The following DENND6A variants were observed in gnomAD, a reference collection of about 807,000 sequenced individuals.
The protein encoded by DENND6A is DENN domain containing 6A, also known as protein DENND6A.
DENND6A carries 43 observed loss-of-function variants against 95.5 expected under a neutral mutation model. That is an observed-to-expected ratio of 0.45 (90% CI 0.35 to 0.58). The LOEUF (loss-of-function observed/expected upper bound fraction) is 0.58. Ranked by LOEUF, DENND6A falls within the 20% of genes least tolerant of loss-of-function variation. The pLI is 0.00. For missense variants in DENND6A, 574 were observed against 736.0 expected (o/e 0.78, Z 2.55); for synonymous variants, 257 against 260.4 (o/e 0.99, Z 0.13).
intron 1 of DENND6A, among the ~76,000 whole-genome samples, chr3:57,673,700 G>A (rs1021559407): frequency 2.0e-5 from 3 of 152,088 alleles, no homozygotes; most frequent in Admixed American, 6.5e-5. Context: ...CCATATATAT[G>A]TGCAACTATT....
intron 1 of DENND6A, among the ~76,000 whole-genome samples, chr3:57,680,314 A>G (rs888359860): frequency 1.3e-5 from 2 of 152,260 alleles, no homozygotes; most frequent in Admixed American, 1.3e-4. Flanking sequence ...AAAATTTAAA[A>G]CCTTGCTTCA....
intron 18 of DENND6A, among the ~76,000 whole-genome samples, chr3:57,629,506 GC>G (rs1303488269): frequency 7.5e-6 from 1 of 132,648 alleles, no homozygotes; most frequent in Non-Finnish European, 1.6e-5. Context: ...AAATCAGTCC[GC>G]TTTTTTTTTT....
intron 18 of DENND6A, among the ~76,000 whole-genome samples, chr3:57,629,810 C>T (rs1255721522): frequency 3.9e-5 from 6 of 152,056 alleles, no homozygotes; most frequent in African/African-American, 1.2e-4. Flanking sequence ...GCGTGAGCCA[C>T]TGCACCCGGC....
intron 1 of DENND6A, 76 bp from the exon 2 acceptor site, chr3:57,672,514 G>T: frequency 6.9e-7 from 1 of 1,440,570 alleles, no homozygotes; most frequent in Non-Finnish European, 9.6e-7. Flanking sequence ...CAGGCACGGT[G>T]GCTCACGCTG....
chr3:57,663,648 G>C lies in DENND6A; in HGVS notation c.501C>G (p.Gly167=). 6.3e-7 allele frequency: 1 copy of C among 1,595,098 alleles called. No individual in the cohort carries two copies. The highest frequency in any genetic ancestry group is 8.5e-7 in the Non-Finnish European group (1 of 1,170,712). ...RQVRDKTLKR[G]YFQKSLVLIS... is the part of the protein sequence containing the mutation. ...GTATGACAATTACCTTCTGAAAGTA[G>C]CCTCTTTTTAGAGTTTTATCTCGAA... Residue 167 remains glycine, a synonymous_variant, in exon 5 of 20, where the codon GGC becomes GGG. Transcript: ENST00000311128.
intron 5 of DENND6A, among the ~76,000 whole-genome samples, chr3:57,663,404 C>T (rs2071463984): frequency 7.6e-6 from 1 of 131,758 alleles, no homozygotes; most frequent in South Asian, 2.4e-4. Context: ...GCAGAGGTTG[C>T]AGTCAGCCGA....
intron 12 of DENND6A, among the ~76,000 whole-genome samples, chr3:57,635,379 A>C (rs1349267837): frequency 6.6e-6 from 1 of 152,140 alleles, no homozygotes; most frequent in African/African-American, 2.4e-5. Context: ...TAGTATATGC[A>C]GGCCCTGGTC....
At chr3:57,684,008 C>A (rs899083523) in intron 1 of DENND6A, among the ~76,000 whole-genome samples, 2 of 151,918 alleles carry the variant, frequency 1.3e-5, no homozygotes, top group Non-Finnish European at 2.9e-5. Context: ...CAAAAATTAG[C>A]CCGGTGTGGT....
rs1260476187 is a variant in DENND6A, at chr3:57,627,847, AGTTTTAACAT to A, written c.*357_*366del. On this transcript the variant is annotated 3_prime_UTR_variant, in exon 20 of 20. Transcript: ENST00000311128. The stretch of plus-strand genomic sequence containing the variant: ...TGAATGTTATTTTTATATCCCCCTG[AGTTTTAACAT>A]GATTGGGCAAAGCAGCACCAATTTA... 1 of 171,740 alleles carries A rather than the reference AGTTTTAACAT, an allele frequency of 5.8e-6. No individual in the cohort carries two copies. The highest frequency in any genetic ancestry group is 1.3e-5 in the Non-Finnish European group (1 of 79,144). 10.6% of individuals were successfully genotyped at this position (171,740 alleles called of 1,614,324 possible).
intron 8 of DENND6A, among the ~76,000 whole-genome samples, chr3:57,658,010 G>A (rs1490503222): frequency 6.6e-6 from 1 of 151,870 alleles, no homozygotes; most frequent in Non-Finnish European, 1.5e-5. Context: ...GACAAGGCGG[G>A]CGGATCACAA....
At chr3:57,649,508 C>G (rs886982311) in intron 9 of DENND6A, among the ~76,000 whole-genome samples, 3 of 140,720 alleles carry the variant, frequency 2.1e-5, no homozygotes, top group African/African-American at 5.3e-5. Flanking sequence ...TACTGGGTAT[C>G]TACCCAGAGG....
chr3:57,685,266 C>T (rs1559833369), intron 1 of DENND6A, among the ~76,000 whole-genome samples: 1 of 151,946 alleles, frequency 6.6e-6, no homozygotes, highest in African/African-American at 2.4e-5. Context: ...ACATTCACCA[C>T]TGTAGAAACT....
Position 57,625,923 on chromosome 3 carries a change from A to G in DENND6A, c.*2291T>C, listed in dbSNP as rs182532816. Reference sequence around the variant, plus strand: ...TGGCATAATTTAAAAGATCCTTGATATGACACCAACAACTTACAAATTCTG... The same window carrying G: ...TGGCATAATTTAAAAGATCCTTGATGTGACACCAACAACTTACAAATTCTG... On this transcript the variant is annotated 3_prime_UTR_variant, in exon 20 of 20. Transcript: ENST00000311128. The G allele has an allele frequency of 1.0e-3, 155 of 152,736 alleles. No individual in the cohort carries two copies. Among genetic ancestry groups the G allele is most frequent in the African/African-American group, 3.6e-3 (150 of 41,534 alleles). 9.5% of individuals were successfully genotyped at this position (152,736 alleles called of 1,614,324 possible).
At chr3:57,643,949 G>A (rs982337064) in intron 11 of DENND6A, among the ~76,000 whole-genome samples, 3 of 151,266 alleles carry the variant, frequency 2.0e-5, no homozygotes, top group Non-Finnish European at 2.9e-5. Flanking sequence ...AGGAGTTCAA[G>A]ACCAGTCTGG....
intron 9 of DENND6A, among the ~76,000 whole-genome samples, chr3:57,656,586 T>C (rs1041951297): frequency 1.5e-5 from 2 of 135,030 alleles, no homozygotes; most frequent in Non-Finnish European, 3.3e-5. Flanking sequence ...CATATAAAAC[T>C]AACCAATCTT....
At chr3:57,631,143 G>C (rs1198489376) in intron 15 of DENND6A, 165 bp from the exon 16 acceptor site, 1 of 595,562 alleles carries the variant, frequency 1.7e-6, no homozygotes, top group Non-Finnish European at 3.0e-6. Flanking sequence ...AGACTGACTT[G>C]GGAAGTCAGA....
intron 1 of DENND6A, among the ~76,000 whole-genome samples, chr3:57,680,240 T>C (rs2077151236): frequency 2.6e-5 from 4 of 152,192 alleles, no homozygotes. Flanking sequence ...TAGGCAATGT[T>C]TTCTTAGACA....
Position 57,628,068 on chromosome 3 carries a change from A to T in DENND6A, c.*146T>A. 1 of 1,202,248 alleles carries T rather than the reference A, an allele frequency of 8.3e-7. No individual in the cohort carries two copies. The highest frequency in any genetic ancestry group is 1.1e-6 in the Non-Finnish European group (1 of 875,090). 74.5% of individuals were successfully genotyped at this position (1,202,248 alleles called of 1,614,324 possible). On this transcript the variant is annotated 3_prime_UTR_variant, in exon 20 of 20. Coordinates refer to ENST00000311128, the MANE Select transcript of DENND6A (RefSeq NM_152678.3). ...TAATGCACTAAAAAGGTCTGTTTATACAATACAGTCTTTCTACCCTGTAAC... is the reference window on the plus strand; with the variant it reads ...TAATGCACTAAAAAGGTCTGTTTATTCAATACAGTCTTTCTACCCTGTAAC...
intron 9 of DENND6A, among the ~76,000 whole-genome samples, chr3:57,650,128 G>C (rs2071172310): frequency 6.6e-6 from 1 of 151,962 alleles, no homozygotes; most frequent in South Asian, 2.1e-4. Flanking sequence ...TGAACTTTGG[G>C]AACTCAGTGG....
Sources: gnomAD v4.1 joint callset for allele counts (sites outside exome capture counted in the v4.1 genomes callset) on GRCh38, gnomAD v4.1.1 for gene constraint, MANE v1.5 for transcripts, NCBI Gene and HGNC (gene_info 2026-07-23, HGNC 2026-07-21) for gene names.